PHACTR1: variants seen among roughly 807,000 people sequenced by gnomAD.
PHACTR1 encodes the protein phosphatase and actin regulator 1.
PHACTR1 carries 16 observed loss-of-function variants against 69.2 expected under a neutral mutation model. The observed-to-expected ratio is 0.23, with a 90% CI of 0.16 to 0.35. The LOEUF (loss-of-function observed/expected upper bound fraction) is 0.35, where lower values mean the gene tolerates loss of function less well. PHACTR1 is among the 10% of genes least tolerant of loss of function. The pLI, the probability that PHACTR1 is intolerant of heterozygous loss-of-function variation, is 1.00. For missense variants in PHACTR1, 510 were observed against 734.7 expected (o/e 0.69, Z 3.54); for synonymous variants, 312 against 284.5 (o/e 1.10, Z -0.97).
chr6:13,154,082 A>G (rs1029804268), intron 5 of PHACTR1, among the ~76,000 whole-genome samples: 1 of 152,216 alleles, frequency 6.6e-6, no homozygotes, highest in Admixed American at 6.5e-5. Flanking sequence ...CATCACTGCA[A>G]TCCAGTTTTA....
At chr6:12,925,653 G>T (rs999854724) in intron 4 of PHACTR1, among the ~76,000 whole-genome samples, 1 of 152,096 alleles carries the variant, frequency 6.6e-6, no homozygotes, top group Non-Finnish European at 1.5e-5. Context: ...GATTTGGCTG[G>T]TGACTAAATG....
At position 13,122,678 on chromosome 6, in the gene PHACTR1, T is replaced by C. The variant is rs145892467; in HGVS notation, c.416-37526T>C. Among the ~76,000 whole-genome samples, 834 of 152,368 alleles carry C rather than the reference T, an allele frequency of 5.5e-3. 7 individuals are homozygous for C. Among genetic ancestry groups the C allele is most frequent in the African/African-American group, 0.019 (790 of 41,580 alleles). On this transcript the variant is annotated intron_variant, in intron 5 of 14. Coordinates refer to ENST00000332995, the MANE Select transcript of PHACTR1 (RefSeq NM_030948.6). ...TTAAAATCTTTTGTATGTGTACTTT[T>C]TTATTTTTAAAGAGAATTCAACTTT...
intron 4 of PHACTR1, among the ~76,000 whole-genome samples, chr6:12,874,392 T>C (rs892322807): frequency 3.3e-5 from 5 of 152,190 alleles, no homozygotes; most frequent in South Asian, 4.1e-4. Context: ...AGTTCAGAGA[T>C]GAAAAGCCTC....
intron 4 of PHACTR1, among the ~76,000 whole-genome samples, chr6:12,989,762 G>A (rs1190618164): frequency 6.6e-6 from 1 of 152,220 alleles, no homozygotes; most frequent in African/African-American, 2.4e-5. Flanking sequence ...TTAGATCAAA[G>A]AAGCAGATGT....
intron 4 of PHACTR1, among the ~76,000 whole-genome samples, chr6:12,821,469 AAAAAAAAAAAAAAAAGAG>A (rs1395857814): frequency 9.9e-6 from 1 of 100,878 alleles, no homozygotes. Context: ...CATCAAAAAA[AAAAAAAAAAAAAAAAGAG>A]AGAGAGAGAG....
intron 5 of PHACTR1, among the ~76,000 whole-genome samples, chr6:13,074,945 G>A (rs1023259874): frequency 1.3e-5 from 2 of 152,214 alleles, no homozygotes; most frequent in African/African-American, 4.8e-5. Flanking sequence ...ATATCCACCT[G>A]TTGATTTCTG....
rs1018398253 is a variant in PHACTR1 at position 13,185,082 on chromosome 6, C to T, written c.664+2396C>T. On this transcript the variant is annotated intron_variant, in intron 7 of 14. Transcript: ENST00000332995. ...TTTTCTTTTTCTCTTGTTCTTTGAA[C>T]TGAGGCCTGAAGGCAGCTCTCTGGG... The T allele has an allele frequency of 4.3e-6, 5 of 1,157,292 alleles. No individual in the cohort carries two copies. In the East Asian group the frequency reaches 2.1e-4, roughly 48 times the overall value. 71.7% of individuals were successfully genotyped at this position (1,157,292 alleles called of 1,614,324 possible).
At chr6:12,910,026 A>C (rs1786206480) in intron 4 of PHACTR1, among the ~76,000 whole-genome samples, 1 of 152,232 alleles carries the variant, frequency 6.6e-6, no homozygotes, top group African/African-American at 2.4e-5. Context: ...TGAGTTCTAG[A>C]GAACAGAGCT....
intron 4 of PHACTR1, among the ~76,000 whole-genome samples, chr6:12,854,538 C>T (rs1780146460): frequency 1.3e-5 from 1 of 76,588 alleles, no homozygotes; most frequent in Non-Finnish European, 2.7e-5. Flanking sequence ...ATACCTAATT[C>T]TTAAAAACTT....
chr6:13,222,103 C>T (rs1035307889), intron 8 of PHACTR1, among the ~76,000 whole-genome samples: 8 of 151,930 alleles, frequency 5.3e-5, no homozygotes, highest in African/African-American at 1.2e-4. Context: ...TGTTTACCTG[C>T]GGTTTTAGAA....
At chr6:13,260,983 G>A (rs539628271) in intron 10 of PHACTR1, among the ~76,000 whole-genome samples, 1 of 152,316 alleles carries the variant, frequency 6.6e-6, no homozygotes, top group East Asian at 1.9e-4. Flanking sequence ...CCATGCATTG[G>A]AAGATGTTTA....
At position 13,045,602 on chromosome 6, in the gene PHACTR1, G is replaced by A. The variant is rs80227524; in HGVS notation, c.251-7763G>A. 6.1e-3 allele frequency among the ~76,000 whole-genome samples: 928 copies of A among 152,206 alleles called. 11 individuals are homozygous for A. The highest frequency in any genetic ancestry group is 0.021 in the African/African-American group (881 of 41,558). On this transcript the variant is annotated intron_variant, in intron 4 of 14. Coordinates refer to ENST00000332995, the MANE Select transcript of PHACTR1 (RefSeq NM_030948.6). Reference sequence around the variant, plus strand: ...TACATCTTAGGGCACCAGGATTTATGGATGTTCTTGTATTCTTGGCTGTCA... The same window carrying A: ...TACATCTTAGGGCACCAGGATTTATAGATGTTCTTGTATTCTTGGCTGTCA...
chr6:12,805,824 C>T (rs1467320616), intron 4 of PHACTR1, among the ~76,000 whole-genome samples: 1 of 152,170 alleles, frequency 6.6e-6, no homozygotes, highest in African/African-American at 2.4e-5. Flanking sequence ...TTGTCTCGAA[C>T]TCCTGACTTC....
intron 5 of PHACTR1, among the ~76,000 whole-genome samples, chr6:13,147,770 G>A (rs1823633863): frequency 6.6e-6 from 1 of 152,184 alleles, no homozygotes; most frequent in African/African-American, 2.4e-5. Context: ...AAGAAGCAGA[G>A]TTAGTAACAA....
At position 12,836,205 on chromosome 6, in the gene PHACTR1, A is replaced by G. The variant is rs780107873; in HGVS notation, c.250+86415A>G. On this transcript the variant is annotated intron_variant, in intron 4 of 14. Transcript: ENST00000332995. ...AAGTGCACCCACAGAGCCTTAAAAT[A>G]TGAAGTATCAGCCTGGTACTGAGTT... Among the ~76,000 whole-genome samples the G allele has an allele frequency of 8.5e-5, 13 of 152,238 alleles. 1 individual carries two copies. Among genetic ancestry groups the G allele is most frequent in the Non-Finnish European group, 1.6e-4 (11 of 68,006 alleles).
intron 5 of PHACTR1, among the ~76,000 whole-genome samples, chr6:13,127,107 A>G (rs952893564): frequency 2.6e-5 from 4 of 152,218 alleles, no homozygotes; most frequent in African/African-American, 9.6e-5. Flanking sequence ...GGGCTAAGGT[A>G]GTTAATTGGG....
chr6:13,173,905 C>T (rs1380803882), intron 6 of PHACTR1, among the ~76,000 whole-genome samples: 1 of 152,174 alleles, frequency 6.6e-6, no homozygotes, highest in Non-Finnish European at 1.5e-5. Context: ...GACGGGTTTT[C>T]ACCATGTTGG....
intron 5 of PHACTR1, among the ~76,000 whole-genome samples, chr6:13,065,942 A>T: frequency 6.7e-6 from 1 of 149,918 alleles, no homozygotes; most frequent in African/African-American, 2.5e-5. Context: ...GGAGCATTTC[A>T]TTTCTTCTTT....
chr6:12,988,839 C>T (rs976327291), intron 4 of PHACTR1, among the ~76,000 whole-genome samples: 1 of 152,220 alleles, frequency 6.6e-6, no homozygotes, highest in South Asian at 2.1e-4. Flanking sequence ...TAAGAGCCTA[C>T]TCATCTCACA....
Sources: gnomAD v4.1 joint callset for allele counts (sites outside exome capture counted in the v4.1 genomes callset) on GRCh38, gnomAD v4.1.1 for gene constraint, MANE v1.5 for transcripts, NCBI Gene and HGNC (gene_info 2026-07-23, HGNC 2026-07-21) for gene names.